Variants in DACH2 observed in about 807,000 individuals in gnomAD.
DACH2 encodes the protein dachshund homolog 2.
DACH2 carries 17 observed loss-of-function variants against 35.8 expected under a neutral mutation model. The observed-to-expected ratio is 0.48, with a 90% CI of 0.33 to 0.71. DACH2 has a LOEUF of 0.71. Ranked by LOEUF, DACH2 falls within the 30% of genes least tolerant of loss-of-function variation. The pLI is 0.02. For missense variants in DACH2, 469 were observed against 472.7 expected (o/e 0.99, Z 0.07); for synonymous variants, 195 against 177.3 (o/e 1.10, Z -0.79).
At chrX:86,299,000 ATT>A (rs2034521599) in intron 1 of DACH2, among the ~76,000 whole-genome samples, 1 of 112,136 alleles carries the variant, frequency 8.9e-6, no homozygotes, top group African/African-American at 3.2e-5. Context: ...TAATCAAAGT[ATT>A]GTCTTTGTTC....
At chrX:86,684,994 T>G (rs140505425) in intron 4 of DACH2, among the ~76,000 whole-genome samples, 4,039 of 111,877 alleles carry the variant, frequency 0.036, 184 homozygotes, top group African/African-American at 0.12. Flanking sequence ...AAACATATAT[T>G]CTTAGTATCA....
intron 2 of DACH2, among the ~76,000 whole-genome samples, chrX:86,393,608 G>T (rs2036235484): frequency 3.6e-5 from 4 of 112,217 alleles, no homozygotes; most frequent in African/African-American, 1.3e-4. Context: ...AAGAGTTAAA[G>T]ATGATTTCTA....
At chrX:86,625,608 C>T (rs758935547) in intron 3 of DACH2, among the ~76,000 whole-genome samples, 1 of 111,127 alleles carries the variant, frequency 9.0e-6, no homozygotes, top group Non-Finnish European at 1.9e-5. Flanking sequence ...AAGACATACC[C>T]AAGACTGGCT....
At chrX:86,531,212 A>G (rs1303781) in intron 3 of DACH2, among the ~76,000 whole-genome samples, 15,614 of 111,576 alleles carry the variant, frequency 0.14, 952 homozygotes, top group East Asian at 0.24. Context: ...GAGGTAGAAA[A>G]GAAACACCCA....
At chrX:86,212,123 T>C (rs762803552) in intron 1 of DACH2, among the ~76,000 whole-genome samples, 3 of 111,313 alleles carry the variant, frequency 2.7e-5, no homozygotes, top group East Asian at 5.6e-4. Flanking sequence ...CTAATTATCT[T>C]TTGCAATCTT....
At chrX:86,310,431 G>A (rs924053877) in intron 1 of DACH2, among the ~76,000 whole-genome samples, 1 of 111,381 alleles carries the variant, frequency 9.0e-6, no homozygotes, top group African/African-American at 3.3e-5. Context: ...TCAGTTGACC[G>A]AGGAAGAGAA....
At chrX:86,829,203 T>C (rs966795237) in intron 11 of DACH2, 4 of 112,187 alleles carry the variant, frequency 3.6e-5, no homozygotes, top group African/African-American at 1.3e-4. Context: ...TCTGCTTATA[T>C]AGAGTAGGTA....
At chrX:86,344,323 C>CATATAT (rs761609271) in intron 1 of DACH2, among the ~76,000 whole-genome samples, 3,729 of 89,848 alleles carry the variant, frequency 0.042, 83 homozygotes, top group East Asian at 0.096. Context: ...CTTGGAAGTG[C>CATATAT]ATATATATAT....
chrX:86,705,464 A>G (rs193068301), intron 5 of DACH2, among the ~76,000 whole-genome samples: 1 of 111,477 alleles, frequency 9.0e-6, no homozygotes, highest in Non-Finnish European at 1.9e-5. Flanking sequence ...AAAAAGATAT[A>G]CAAATGACCA....
At chrX:86,667,679 ATATAT>A (rs1245379171) in intron 4 of DACH2, among the ~76,000 whole-genome samples, 11 of 111,604 alleles carry the variant, frequency 9.9e-5, no homozygotes, top group Non-Finnish European at 1.7e-4. Flanking sequence ...GATTGATGTA[ATATAT>A]TAGATTTGTC....
intron 3 of DACH2, among the ~76,000 whole-genome samples, chrX:86,645,347 A>G (rs1288051920): frequency 9.0e-6 from 1 of 111,338 alleles, no homozygotes; most frequent in Non-Finnish European, 1.9e-5. Flanking sequence ...AAAAATGCAA[A>G]TCAAAATTAA....
chrX:86,297,032 A>C (rs1211630548), intron 1 of DACH2, among the ~76,000 whole-genome samples: 4 of 72,594 alleles, frequency 5.5e-5, no homozygotes, highest in Non-Finnish European at 9.8e-5. Context: ...CCTATAAATA[A>C]ATATAATTGT....
At chrX:86,603,124 C>T (rs1484286333) in intron 3 of DACH2, among the ~76,000 whole-genome samples, 1 of 111,046 alleles carries the variant, frequency 9.0e-6, no homozygotes, top group African/African-American at 3.3e-5. Context: ...ATGGTCTACT[C>T]TATGTTTGTT....
At chrX:86,207,589 T>C (rs1207338319) in intron 1 of DACH2, among the ~76,000 whole-genome samples, 1 of 111,338 alleles carries the variant, frequency 9.0e-6, no homozygotes, top group Non-Finnish European at 1.9e-5. Context: ...AAACAGATTT[T>C]TAGGATTTTG....
intron 1 of DACH2, among the ~76,000 whole-genome samples, chrX:86,219,078 A>T (rs1359244818): frequency 8.9e-6 from 1 of 111,931 alleles, no homozygotes; most frequent in Non-Finnish European, 1.9e-5. Flanking sequence ...TATGACTACT[A>T]AATGTTAGTT....
At chrX:86,660,581 C>T (rs936914505) in intron 4 of DACH2, among the ~76,000 whole-genome samples, 23 of 111,582 alleles carry the variant, frequency 2.1e-4, no homozygotes, top group African/African-American at 7.5e-4. Flanking sequence ...TGTTCATAAA[C>T]GGAGTTTACA....
chrX:86,568,893 C>T (rs1008954631), intron 3 of DACH2, among the ~76,000 whole-genome samples: 1 of 111,360 alleles, frequency 9.0e-6, no homozygotes, highest in African/African-American at 3.3e-5. Context: ...GGAAGAAATT[C>T]GTTACGTCTG....
At chrX:86,766,814 A>G (rs984441018) in intron 7 of DACH2, among the ~76,000 whole-genome samples, 2 of 111,220 alleles carry the variant, frequency 1.8e-5, no homozygotes, top group African/African-American at 6.5e-5. Flanking sequence ...TTTTCCCGCC[A>G]ACAAGATTCT....
chrX:86,367,911 C>A (rs565439396), intron 1 of DACH2, among the ~76,000 whole-genome samples: 5 of 111,425 alleles, frequency 4.5e-5, no homozygotes, highest in African/African-American at 1.6e-4. Context: ...TGCACACGTC[C>A]TTTCCTTTTG....
Sources: gnomAD v4.1 joint callset for allele counts (sites outside exome capture counted in the v4.1 genomes callset) on GRCh38, gnomAD v4.1.1 for gene constraint, MANE v1.5 for transcripts, NCBI Gene and HGNC (gene_info 2026-07-23, HGNC 2026-07-21) for gene names.